Variants in PIGK observed in about 807,000 individuals in gnomAD.
PIGK encodes GPI-anchor transamidase.
Under a neutral mutation model 50.6 loss-of-function variants are expected in PIGK, and 42 were observed. The observed-to-expected ratio is 0.83, with a 90% CI of 0.65 to 1.07. The LOEUF is 1.07. PIGK is among the 50% of genes least tolerant of loss of function. The pLI, the probability that PIGK is intolerant of heterozygous loss-of-function variation, is 0.00. For missense variants in PIGK, 448 were observed against 488.7 expected (o/e 0.92, Z 0.78); for synonymous variants, 151 against 156.0 (o/e 0.97, Z 0.24).
intron 8 of PIGK, among the ~76,000 whole-genome samples, chr1:77,156,561 G>A (rs547280198): frequency 5.6e-4 from 85 of 152,110 alleles, no homozygotes; most frequent in African/African-American, 1.9e-3. Flanking sequence ...TATTTCCTTA[G>A]TGTATGCTAT....
chr1:77,136,815 A>G (rs555519565), intron 9 of PIGK, among the ~76,000 whole-genome samples: 36 of 152,188 alleles, frequency 2.4e-4, no homozygotes, highest in African/African-American at 8.4e-4. Context: ...AGTTTCCAAT[A>G]TTATCTTCAT....
rs186422357 is a variant in PIGK, at chr1:77,219,205, G to A, written c.93+105C>T. Reference sequence around the variant, plus strand: ...CTCCTCAAACCCAGCCTGGGTCAGGGGCTGATTGACTCCAGGAGGCGTCCC... The same window carrying A: ...CTCCTCAAACCCAGCCTGGGTCAGGAGCTGATTGACTCCAGGAGGCGTCCC... On this transcript the variant is annotated intron_variant, in intron 1 of 10. Transcript: ENST00000370812. The A allele has an allele frequency of 7.6e-3, 6,645 of 876,208 alleles. 38 individuals are homozygous for A. The highest frequency in any genetic ancestry group is 9.7e-3 in the Non-Finnish European group (5,191 of 535,802). 54.3% of individuals were successfully genotyped at this position (876,208 alleles called of 1,614,324 possible).
chr1:77,155,599 AT>A lies in PIGK; in HGVS notation c.814-979del, dbSNP rs35303091. ...AAAAACAGAGAGTGAAATTCAAGCC[AT>A]TTTTTTTTTTCTTGAAGGAAAACGA... is the stretch of plus-strand genomic sequence containing the variant. On this transcript the variant is annotated intron_variant, in intron 8 of 10. Coordinates refer to ENST00000370812, the MANE Select transcript of PIGK (RefSeq NM_005482.3). Among the ~76,000 whole-genome samples, 694 of 149,828 alleles carry A rather than the reference AT, an allele frequency of 4.6e-3. 9 individuals carry two copies. The highest frequency in any genetic ancestry group is 0.014 in the African/African-American group (584 of 40,988).
intron 3 of PIGK, among the ~76,000 whole-genome samples, chr1:77,186,491 T>C (rs555490999): frequency 2.6e-5 from 4 of 152,148 alleles, no homozygotes; most frequent in Admixed American, 2.6e-4. Context: ...GAAGCATGAT[T>C]GGAAAATTGG....
At chr1:77,121,963 T>TATACACACTATACAC (rs1654103681) in intron 10 of PIGK, among the ~76,000 whole-genome samples, 2 of 152,232 alleles carry the variant, frequency 1.3e-5, no homozygotes. Context: ...TGTCACTAAG[T>TATACACACTATACAC]ACTATACACA....
chr1:77,188,184 C>G (rs1188966913), intron 3 of PIGK, among the ~76,000 whole-genome samples: 5 of 152,168 alleles, frequency 3.3e-5, no homozygotes, highest in Admixed American at 6.5e-5. Flanking sequence ...ACCTTAAACT[C>G]TGACCACTGG....
At chr1:77,095,952 C>T (rs901386042) in intron 10 of PIGK, among the ~76,000 whole-genome samples, 1 of 151,862 alleles carries the variant, frequency 6.6e-6, no homozygotes, top group Non-Finnish European at 1.5e-5. Context: ...GAGGTGGGCT[C>T]TATGAGGAAA....
At chr1:77,095,558 AGCAAG>A (rs1653388572) in intron 10 of PIGK, among the ~76,000 whole-genome samples, 1 of 152,056 alleles carries the variant, frequency 6.6e-6, no homozygotes, top group Non-Finnish European at 1.5e-5. Context: ...TATAATTCCC[AGCAAG>A]CAATATGACA....
At chr1:77,145,573 C>T (rs115585664) in intron 9 of PIGK, among the ~76,000 whole-genome samples, 253 of 152,114 alleles carry the variant, frequency 1.7e-3, no homozygotes, top group Non-Finnish European at 3.2e-3. Flanking sequence ...GATATACTCA[C>T]GGATTGTGAG....
At chr1:77,183,176 GA>G (rs749389065) in intron 3 of PIGK, among the ~76,000 whole-genome samples, 203 of 152,300 alleles carry the variant, frequency 1.3e-3, no homozygotes, top group Non-Finnish European at 2.5e-3. Context: ...GCATTGATTG[GA>G]AAAGAATGAG....
At chr1:77,145,385 T>A (rs1267275803) in intron 9 of PIGK, among the ~76,000 whole-genome samples, 1 of 151,864 alleles carries the variant, frequency 6.6e-6, no homozygotes, top group South Asian at 2.1e-4. Context: ...ATCAATAAGA[T>A]CTCAGAAAAA....
chr1:77,134,811 T>G (rs1169068490), intron 9 of PIGK, among the ~76,000 whole-genome samples: 1 of 152,230 alleles, frequency 6.6e-6, no homozygotes, highest in East Asian at 1.9e-4. Flanking sequence ...TGTACACTAC[T>G]ACTTTTGATA....
At chr1:77,211,108 T>A (rs1656409444) in intron 1 of PIGK, among the ~76,000 whole-genome samples, 1 of 152,028 alleles carries the variant, frequency 6.6e-6, no homozygotes. Flanking sequence ...ATCATCTTCT[T>A]ACATTATATA....
At chr1:77,214,224 C>CA (rs1340480037) in intron 1 of PIGK, among the ~76,000 whole-genome samples, 4 of 151,358 alleles carry the variant, frequency 2.6e-5, no homozygotes, top group Admixed American at 6.6e-5. Flanking sequence ...AAGCATACAA[C>CA]AAAAAAAAGG....
At chr1:77,125,590 T>C (rs1285226481) in intron 9 of PIGK, among the ~76,000 whole-genome samples, 4 of 152,174 alleles carry the variant, frequency 2.6e-5, no homozygotes, top group East Asian at 1.9e-4. Context: ...TCATTTTTAA[T>C]TACTTTTAAT....
rs754951453 is a variant in PIGK, at chr1:77,163,838, C to A, written c.584+8G>T. ...ATAGCTTATGAAAAGAAGTAATTTG[C>A]TAATTACCGTCTTTTCTGCCACATT... On this transcript the variant is annotated splice_region_variant and intron_variant, in intron 6 of 10. Transcript: ENST00000370812. 4.7e-6 allele frequency: 7 copies of A among 1,504,586 alleles called. No individual in the cohort carries two copies. The African/African-American group carries it at 9.7e-5, about 21-fold the overall frequency. 93.2% of individuals were successfully genotyped at this position (1,504,586 alleles called of 1,614,324 possible).
chr1:77,188,970 C>T (rs936283168), intron 3 of PIGK, among the ~76,000 whole-genome samples: 1 of 152,192 alleles, frequency 6.6e-6, no homozygotes, highest in African/African-American at 2.4e-5. Context: ...GATCATGTGA[C>T]CAGCTGCAGA....
intron 9 of PIGK, among the ~76,000 whole-genome samples, chr1:77,151,321 C>T (rs1158970417): frequency 6.6e-6 from 1 of 152,082 alleles, no homozygotes; most frequent in Non-Finnish European, 1.5e-5. Context: ...AAACTCTCAA[C>T]AAACTGGATT....
chr1:77,211,848 G>A (rs1211114852), intron 1 of PIGK, among the ~76,000 whole-genome samples: 1 of 149,540 alleles, frequency 6.7e-6, no homozygotes, highest in African/African-American at 2.4e-5. Flanking sequence ...AAGAGAGAGG[G>A]GCCTGATTGC....
Sources: allele counts gnomAD v4.1 joint callset (sites outside exome capture counted in the v4.1 genomes callset), GRCh38; gene constraint gnomAD v4.1.1; transcripts MANE v1.5; gene names NCBI Gene and HGNC (gene_info 2026-07-23, HGNC 2026-07-21).